SLC41A2: variants seen among roughly 807,000 people sequenced by gnomAD.
SLC41A2 encodes the protein solute carrier family 41 member 2, also known as SLC41A1-like 1.
Under a neutral mutation model 58.3 loss-of-function variants are expected in SLC41A2, and 32 were observed. The ratio of observed to expected loss-of-function variants is 0.55; its 90% CI spans 0.41 to 0.74. SLC41A2 has a LOEUF of 0.74. SLC41A2 is among the 30% of genes least tolerant of loss of function. The pLI, the probability that SLC41A2 is intolerant of heterozygous loss-of-function variation, is 0.00. For synonymous variants in SLC41A2, 190 were observed against 235.0 expected (o/e 0.81, Z 1.75); for missense variants, 514 against 680.6 (o/e 0.76, Z 2.72).
chr12:104,947,159 C>T (rs533129432), intron 1 of SLC41A2, among the ~76,000 whole-genome samples: 1 of 149,368 alleles, frequency 6.7e-6, no homozygotes, highest in Non-Finnish European at 1.5e-5. Context: ...AAATGTTGTA[C>T]GCTGCTGTAC....
At chr12:104,899,561 G>T (rs111286386) in intron 3 of SLC41A2, among the ~76,000 whole-genome samples, 12 of 152,242 alleles carry the variant, frequency 7.9e-5, no homozygotes, top group African/African-American at 2.9e-4. Flanking sequence ...ATGCCTTTTA[G>T]TATAGCCCTT....
chr12:104,930,861 G>A (rs955026143), intron 1 of SLC41A2, among the ~76,000 whole-genome samples: 3 of 152,238 alleles, frequency 2.0e-5, no homozygotes, highest in Non-Finnish European at 2.9e-5. Flanking sequence ...TGTGCAGAAC[G>A]TGGCTAAGCA....
chr12:104,937,946 A>G (rs2047348540), intron 1 of SLC41A2, among the ~76,000 whole-genome samples: 1 of 152,252 alleles, frequency 6.6e-6, no homozygotes, highest in Non-Finnish European at 1.5e-5. Flanking sequence ...ATAAACTGCC[A>G]AAAGCACTTT....
intron 1 of SLC41A2, among the ~76,000 whole-genome samples, chr12:104,934,936 A>G (rs1393750549): frequency 6.6e-6 from 1 of 151,988 alleles, no homozygotes; most frequent in African/African-American, 2.4e-5. Flanking sequence ...TTAGACTGGG[A>G]AAGAAAGTTT....
At chr12:104,955,263 G>A (rs938688634) in intron 1 of SLC41A2, among the ~76,000 whole-genome samples, 4 of 151,878 alleles carry the variant, frequency 2.6e-5, no homozygotes, top group East Asian at 1.9e-4. Flanking sequence ...TGATCTGCCC[G>A]CCTCAGCCTC....
intron 2 of SLC41A2, among the ~76,000 whole-genome samples, chr12:104,921,801 T>C (rs958112600): frequency 6.6e-6 from 1 of 152,090 alleles, no homozygotes; most frequent in African/African-American, 2.4e-5. Context: ...AAAACAATAA[T>C]AGCTACAGCA....
At chr12:104,850,386 A>G (rs951502772) in intron 8 of SLC41A2, among the ~76,000 whole-genome samples, 2 of 152,210 alleles carry the variant, frequency 1.3e-5, no homozygotes, top group East Asian at 1.9e-4. Context: ...TTGGGCATAC[A>G]TAAATATTAT....
chr12:104,875,434 A>G (rs1448603997), intron 6 of SLC41A2, among the ~76,000 whole-genome samples: 3 of 152,096 alleles, frequency 2.0e-5, no homozygotes, highest in Non-Finnish European at 4.4e-5. Context: ...ACCACACCTC[A>G]CTAGTTTTGT....
At chr12:104,929,438 A>C (rs2046974157) in intron 1 of SLC41A2, among the ~76,000 whole-genome samples, 1 of 152,230 alleles carries the variant, frequency 6.6e-6, no homozygotes, top group Non-Finnish European at 1.5e-5. Context: ...GCACTTATTT[A>C]TGCCCTGCCC....
chr12:104,933,182 G>GA (rs374931601), intron 1 of SLC41A2, among the ~76,000 whole-genome samples: 3 of 151,840 alleles, frequency 2.0e-5, no homozygotes, highest in African/African-American at 7.3e-5. Flanking sequence ...AAATCAGCAA[G>GA]AAAAAAACAA....
At chr12:104,861,252 G>T in intron 8 of SLC41A2, 39 bp downstream of exon 8, 1 of 1,438,218 alleles carries the variant, frequency 7.0e-7, no homozygotes, top group South Asian at 1.2e-5. Flanking sequence ...AGGATACGAA[G>T]ATTTGATATT....
At chr12:104,889,200 A>C (rs1029673534) in intron 4 of SLC41A2, 23 bp from the exon 5 acceptor site, 1 of 1,595,600 alleles carries the variant, frequency 6.3e-7, no homozygotes, top group Non-Finnish European at 8.5e-7. Flanking sequence ...TCATAAATCC[A>C]ACTGAATTAT....
intron 9 of SLC41A2, among the ~76,000 whole-genome samples, chr12:104,844,830 G>A (rs911905438): frequency 6.6e-6 from 1 of 152,094 alleles, no homozygotes; most frequent in Non-Finnish European, 1.5e-5. Context: ...AAAGGTGGTT[G>A]ATAAAAACTT....
Position 104,886,440 on chromosome 12 carries a change from C to T in SLC41A2, c.881-1G>A. ...ACGATAACCCCAACCATTATTATTC[C>T]TAGAAGAAAGAATGTTCATTACTTT... is the stretch of plus-strand genomic sequence containing the variant. On this transcript the variant is annotated splice_acceptor_variant, in intron 5 of 10. Transcript: ENST00000258538. LOFTEE classifies it high-confidence loss of function. The T allele has an allele frequency of 1.2e-6, 2 of 1,611,088 alleles. No homozygotes were observed. Among genetic ancestry groups the T allele is most frequent in the Non-Finnish European group, 1.7e-6 (2 of 1,178,260 alleles).
chr12:104,849,569 T>C (rs895498842), intron 8 of SLC41A2, among the ~76,000 whole-genome samples: 4 of 152,214 alleles, frequency 2.6e-5, no homozygotes, highest in African/African-American at 9.6e-5. Flanking sequence ...GGCTCACACC[T>C]GTAATCTCAG....
In SLC41A2 at chr12:104,856,132, C is replaced by T. The variant is rs74565799; in HGVS notation, c.1255+5159G>A. Among the ~76,000 whole-genome samples, 1,077 of 152,110 alleles carry T rather than the reference C, an allele frequency of 7.1e-3. 16 individuals are homozygous for T. The highest frequency in any genetic ancestry group is 0.024 in the African/African-American group (1,009 of 41,476). ...CCAAGTGATATTGCTGGTCTGGGGA[C>T]CACACTTTGAAAATCTCTGGATGAG... On this transcript the variant is annotated intron_variant, in intron 8 of 10. Coordinates refer to ENST00000258538, the MANE Select transcript of SLC41A2 (RefSeq NM_001352171.3).
chr12:104,838,069 A>C (rs2042273180), intron 10 of SLC41A2, among the ~76,000 whole-genome samples: 1 of 152,146 alleles, frequency 6.6e-6, no homozygotes, highest in South Asian at 2.1e-4. Context: ...TTTGTGGAAA[A>C]ATTTATTTTT....
intron 3 of SLC41A2, among the ~76,000 whole-genome samples, chr12:104,907,812 T>C (rs1183269358): frequency 6.6e-6 from 1 of 152,212 alleles, no homozygotes; most frequent in Non-Finnish European, 1.5e-5. Flanking sequence ...AAGATATCAC[T>C]GGAAAGCAGT....
chr12:104,837,806 T>C (rs961222410), intron 10 of SLC41A2, among the ~76,000 whole-genome samples: 1 of 152,180 alleles, frequency 6.6e-6, no homozygotes, highest in African/African-American at 2.4e-5. Flanking sequence ...CTCACTATGT[T>C]CTAGGCACTC....
Sources: gnomAD v4.1 joint callset for allele counts (sites outside exome capture counted in the v4.1 genomes callset) on GRCh38, gnomAD v4.1.1 for gene constraint, MANE v1.5 for transcripts, NCBI Gene and HGNC (gene_info 2026-07-23, HGNC 2026-07-21) for gene names.